Variants in MEMO1 observed in about 807,000 individuals in gnomAD.
MEMO1 encodes protein MEMO1.
MEMO1 carries 6 observed loss-of-function variants against 45.2 expected under a neutral mutation model. That is an observed-to-expected ratio of 0.13 (90% CI 0.07 to 0.26). MEMO1 has a LOEUF of 0.26. Ranked by LOEUF, MEMO1 falls within the 10% of genes least tolerant of loss-of-function variation. The pLI is 1.00. For synonymous variants in MEMO1, 78 were observed against 124.3 expected, an observed-to-expected ratio of 0.63 and a Z score of 2.48; for missense variants, 184 against 370.5, an observed-to-expected ratio of 0.50 and a Z score of 4.13.
At chr2:31,901,374 C>CAAAAAAA (rs70964738) in intron 6 of MEMO1, among the ~76,000 whole-genome samples, 9 of 22,688 alleles carry the variant, frequency 4.0e-4, no homozygotes, top group East Asian at 1.8e-3. Context: ...CTCTGTCTCA[C>CAAAAAAA]AAAAAAAAAA....
At chr2:31,978,275 T>C (rs950705381) in intron 2 of MEMO1, among the ~76,000 whole-genome samples, 2 of 151,992 alleles carry the variant, frequency 1.3e-5, no homozygotes, top group African/African-American at 2.4e-5. Context: ...TAATCCCAGC[T>C]ACTCAGAAGG....
intron 3 of MEMO1, among the ~76,000 whole-genome samples, chr2:31,935,381 T>C (rs970352524): frequency 6.6e-6 from 1 of 152,094 alleles, no homozygotes; most frequent in African/African-American, 2.4e-5. Context: ...AAAACACAAT[T>C]AGCTAAGGTA....
chr2:31,871,520 T>C lies in MEMO1; in HGVS notation c.658-1568A>G, dbSNP rs66469241. Reference sequence around the variant, plus strand: ...ATATACACACACACACACACACACATATATATATATCTGAAACATAGACAT... The same window carrying C: ...ATATACACACACACACACACACACACATATATATATCTGAAACATAGACAT... On this transcript the variant is annotated intron_variant, in intron 8 of 9. Transcript: ENST00000404530. 5.5e-3 allele frequency among the ~76,000 whole-genome samples: 765 copies of C among 138,252 alleles called. 10 individuals are homozygous for C. Among genetic ancestry groups the C allele is most frequent in the African/African-American group, 0.02 (676 of 34,196 alleles). 90.7% of individuals were successfully genotyped at this position (138,252 alleles called of 152,430 possible).
chr2:31,989,910 G>A (rs1671735884), intron 2 of MEMO1, among the ~76,000 whole-genome samples: 1 of 152,076 alleles, frequency 6.6e-6, no homozygotes, highest in African/African-American at 2.4e-5. Context: ...TTGTACCCAG[G>A]AGATCAAGAC....
chr2:31,931,576 G>T (rs1664179750), intron 4 of MEMO1, among the ~76,000 whole-genome samples: 1 of 151,542 alleles, frequency 6.6e-6, no homozygotes, highest in South Asian at 2.1e-4. Context: ...GCTAATTTCA[G>T]AGCTGTCATT....
intron 5 of MEMO1, among the ~76,000 whole-genome samples, chr2:31,919,240 C>A (rs931547766): frequency 6.6e-6 from 1 of 151,972 alleles, no homozygotes; most frequent in Admixed American, 6.6e-5. Context: ...CCTCTACCTC[C>A]GGAGCTCAAG....
chr2:31,933,997 A>G (rs992134667), intron 3 of MEMO1, among the ~76,000 whole-genome samples: 3 of 152,282 alleles, frequency 2.0e-5, no homozygotes, highest in Middle Eastern at 3.4e-3. Context: ...TCAGACTGCT[A>G]ACACCTGGTT....
chr2:31,962,462 T>C (rs1216270485), intron 2 of MEMO1, among the ~76,000 whole-genome samples: 1 of 152,180 alleles, frequency 6.6e-6, no homozygotes, highest in African/African-American at 2.4e-5. Flanking sequence ...TTACTAGGTA[T>C]GACTCTGTGC....
At chr2:31,926,095 G>A (rs1323490681) in intron 4 of MEMO1, among the ~76,000 whole-genome samples, 1 of 152,136 alleles carries the variant, frequency 6.6e-6, no homozygotes, top group Admixed American at 6.5e-5. Flanking sequence ...AGTCAGGCAC[G>A]GTGGTTCATG....
intron 6 of MEMO1, chr2:31,893,437 G>T: frequency 1.2e-6 from 1 of 865,584 alleles, no homozygotes; most frequent in Non-Finnish European, 1.4e-6. Flanking sequence ...TCTTCAATTA[G>T]TTAAGACTGA....
chr2:31,985,935 C>T (rs751021321), intron 2 of MEMO1, among the ~76,000 whole-genome samples: 17 of 152,008 alleles, frequency 1.1e-4, no homozygotes, highest in African/African-American at 3.4e-4. Context: ...TCAAGACCAG[C>T]CTGATCAACA....
At chr2:31,940,662 C>T (rs900057055) in intron 3 of MEMO1, among the ~76,000 whole-genome samples, 1 of 152,192 alleles carries the variant, frequency 6.6e-6, no homozygotes, top group Non-Finnish European at 1.5e-5. Context: ...CTCCCTCCAT[C>T]TACCAAGTAG....
chr2:31,890,779 C>T (rs1278512637), intron 7 of MEMO1, among the ~76,000 whole-genome samples: 3 of 152,062 alleles, frequency 2.0e-5, no homozygotes, highest in Non-Finnish European at 2.9e-5. Flanking sequence ...GTTTATTTAG[C>T]AGCTACCCTG....
intron 2 of MEMO1, among the ~76,000 whole-genome samples, chr2:31,973,670 T>C (rs952858608): frequency 1.6e-4 from 24 of 152,210 alleles, no homozygotes; most frequent in African/African-American, 4.8e-4. Flanking sequence ...TGCTACTATG[T>C]GAATGAACCT....
chr2:31,920,145 C>G (rs570631666), intron 5 of MEMO1, among the ~76,000 whole-genome samples: 23 of 151,206 alleles, frequency 1.5e-4, no homozygotes, highest in African/African-American at 5.6e-4. Flanking sequence ...TTATACTGTT[C>G]TATATTTTTA....
intron 8 of MEMO1, among the ~76,000 whole-genome samples, chr2:31,876,812 C>T (rs1051807384): frequency 2.6e-5 from 4 of 152,064 alleles, no homozygotes; most frequent in Non-Finnish European, 5.9e-5. Context: ...GCTCAATCCA[C>T]CTCCAAGTCC....
At chr2:31,981,480 CCAAA>C (rs1396006124) in intron 2 of MEMO1, among the ~76,000 whole-genome samples, 4 of 152,204 alleles carry the variant, frequency 2.6e-5, no homozygotes, top group Non-Finnish European at 5.9e-5. Context: ...AAAATAATCA[CCAAA>C]CAAATGTTCT....
At chr2:31,986,987 G>T (rs550546271) in intron 2 of MEMO1, among the ~76,000 whole-genome samples, 5 of 152,248 alleles carry the variant, frequency 3.3e-5, no homozygotes, top group South Asian at 4.1e-4. Context: ...AACAATTAGG[G>T]AGAAAACAAT....
chr2:31,972,710 C>CA (rs1204787267), intron 2 of MEMO1, among the ~76,000 whole-genome samples: 9 of 149,606 alleles, frequency 6.0e-5, no homozygotes, highest in South Asian at 2.1e-4. Context: ...GACTCCATCT[C>CA]AAAAAAAAAG....
Sources: gnomAD v4.1 joint callset for allele counts (sites outside exome capture counted in the v4.1 genomes callset) on GRCh38, gnomAD v4.1.1 for gene constraint, MANE v1.5 for transcripts, NCBI Gene and HGNC (gene_info 2026-07-23, HGNC 2026-07-21) for gene names.